ACACB: variants seen among roughly 807,000 people sequenced by gnomAD.
ACACB encodes acetyl-CoA carboxylase beta.
In ACACB, 209 loss-of-function variants were observed where a neutral mutation model predicts 278.8. The observed-to-expected ratio is 0.75, with a 90% confidence interval of 0.67 to 0.84. The LOEUF (loss-of-function observed/expected upper bound fraction) is 0.84, where lower values mean the gene tolerates loss of function less well. Among genes scored for constraint, ACACB ranks in the 40% least tolerant of loss-of-function variants. ACACB has a pLI of 0.00. For missense variants in ACACB, 2,850 were observed against 3,269.0 expected, an observed-to-expected ratio of 0.87 and a Z score of 3.13; for synonymous variants, 1,174 against 1,285.6, an observed-to-expected ratio of 0.91 and a Z score of 1.86.
Position 109,226,345 on chromosome 12 carries a change from AG to A in ACACB, c.3883-1023del, listed in dbSNP as rs369740133. Among the ~76,000 whole-genome samples, 23 of 152,272 alleles carry A rather than the reference AG, an allele frequency of 1.5e-4. No homozygotes were observed. In the South Asian group the frequency reaches 3.9e-3, roughly 26 times the overall value. On this transcript the variant is annotated intron_variant, in intron 27 of 52. Transcript: ENST00000338432. ...CTGTTGGACAGCACTGCTCTAAAGCAGGGTTTGATAAACTATAGACCATGGA... is the reference window on the plus strand; with the variant it reads ...CTGTTGGACAGCACTGCTCTAAAGCAGGTTTGATAAACTATAGACCATGGA...
chr12:109,192,280 G>A (rs2044920567), intron 15 of ACACB, among the ~76,000 whole-genome samples: 1 of 152,150 alleles, frequency 6.6e-6, no homozygotes, highest in African/African-American at 2.4e-5. Context: ...CGGCTTAAAG[G>A]TCATCTCTAC....
chr12:109,246,278 T>C lies in ACACB; in HGVS notation c.5401T>C (p.Ser1801Pro). The C allele has an allele frequency of 6.2e-7, 1 of 1,613,000 alleles. No homozygotes were observed. Among genetic ancestry groups the C allele is most frequent in the Non-Finnish European group, 8.5e-7 (1 of 1,179,800 alleles). The part of the protein sequence containing the change: ...IGNDITFRIG[S>P]FGPGEDLLYL... ...CAATGACATCACCTTTCGCATTGGA[T>C]CCTTTGGCCCTGGAGAGGACCTTCT... The change falls in exon 39 of 53, where the codon TCC (serine) becomes CCC (proline). Residue 1801 changes from serine to proline, a missense_variant. By Grantham distance (74) the Ser-to-Pro change is moderately conservative. Coordinates refer to ENST00000338432, the MANE Select transcript of ACACB (RefSeq NM_001093.4).
At chr12:109,143,987 T>A (rs1318013240) in intron 2 of ACACB, among the ~76,000 whole-genome samples, 2 of 151,996 alleles carry the variant, frequency 1.3e-5, no homozygotes, top group Admixed American at 1.3e-4. Context: ...GGCAACATAA[T>A]GAGACCCTGT....
At chr12:109,233,119 T>A (rs1172944594) in intron 29 of ACACB, among the ~76,000 whole-genome samples, 1 of 152,162 alleles carries the variant, frequency 6.6e-6, no homozygotes, top group African/African-American at 2.4e-5. Flanking sequence ...GCAAAATATT[T>A]TTACCTCTCC....
chr12:109,245,590 A>G, intron 37 of ACACB, 36 bp from the exon 38 acceptor site: 1 of 1,604,978 alleles, frequency 6.2e-7, no homozygotes, highest in Non-Finnish European at 8.5e-7. Context: ...CCTACTGATG[A>G]CTTCAAGTTT....
intron 24 of ACACB, 72 bp from the exon 25 acceptor site, chr12:109,222,435 A>C (rs2136513906): frequency 7.1e-6 from 10 of 1,415,078 alleles, no homozygotes; most frequent in Admixed American, 7.0e-5. Context: ...GGTGCTCCCC[A>C]AGTCGAGATG....
intron 19 of ACACB, among the ~76,000 whole-genome samples, chr12:109,203,985 C>G (rs1434800450): frequency 6.6e-6 from 1 of 152,036 alleles, no homozygotes; most frequent in African/African-American, 2.4e-5. Context: ...CACATGGTCT[C>G]TTTTCTCCAG....
chr12:109,174,044 C>A, intron 6 of ACACB, 88 bp from the exon 7 acceptor site: 2 of 1,117,080 alleles, frequency 1.8e-6, no homozygotes, highest in East Asian at 2.7e-5. Context: ...CTTACCTGGC[C>A]CCACCACCGT....
At chr12:109,180,425 T>C (rs1013061733) in intron 11 of ACACB, among the ~76,000 whole-genome samples, 2 of 152,214 alleles carry the variant, frequency 1.3e-5, no homozygotes, top group African/African-American at 4.8e-5. Flanking sequence ...ATATTGTAGA[T>C]ATATCTGTGC....
At chr12:109,251,410 T>G (rs1196980522) in intron 41 of ACACB, among the ~76,000 whole-genome samples, 1 of 152,230 alleles carries the variant, frequency 6.6e-6, no homozygotes, top group African/African-American at 2.4e-5. Context: ...TTGGAAGGCC[T>G]TATTTGTACA....
chr12:109,129,789 G>A (rs2042777582), intron 1 of ACACB, among the ~76,000 whole-genome samples: 1 of 152,218 alleles, frequency 6.6e-6, no homozygotes, highest in Non-Finnish European at 1.5e-5. Flanking sequence ...TGGGCTGGCC[G>A]ATCCTTAGAG....
At chr12:109,241,053 C>T (rs374543577) in intron 35 of ACACB, 25 bp from the exon 36 acceptor site, 44 of 1,608,720 alleles carry the variant, frequency 2.7e-5, no homozygotes, top group Middle Eastern at 1.7e-4. Flanking sequence ...GGCCCTGAAA[C>T]TGGAATTGCT....
chr12:109,240,102 AT>A, intron 35 of ACACB, 117 bp downstream of exon 35: 1 of 1,234,170 alleles, frequency 8.1e-7, no homozygotes. Context: ...AACCATGCGT[AT>A]CTGAGCCTCA....
At chr12:109,179,572 T>C (rs777530473) in intron 10 of ACACB, among the ~76,000 whole-genome samples, 7 of 152,180 alleles carry the variant, frequency 4.6e-5, no homozygotes, top group Admixed American at 6.5e-5. Context: ...CAGCAGCCTG[T>C]AACTCCTGGG....
At chr12:109,193,593 C>T in intron 15 of ACACB, 55 bp from the exon 16 acceptor site, 1 of 1,359,624 alleles carries the variant, frequency 7.4e-7, no homozygotes, top group Non-Finnish European at 1.1e-6. Flanking sequence ...CAAGGGATGG[C>T]TGTGGAGTTC....
chr12:109,196,212 G>C (rs879556933), intron 16 of ACACB, among the ~76,000 whole-genome samples: 1 of 152,134 alleles, frequency 6.6e-6, no homozygotes, highest in Non-Finnish European at 1.5e-5. Context: ...TCTCTCTCAC[G>C]TGTCCCAAAG....
chr12:109,242,479 G>A lies in ACACB; in HGVS notation c.5065G>A (p.Gly1689Arg), dbSNP rs149012129. 4.3e-6 allele frequency: 7 copies of A among 1,613,954 alleles called. No individual in the cohort carries two copies. Among genetic ancestry groups the A allele is most frequent in the Admixed American group, 1.7e-5 (1 of 59,992 alleles). Reference protein sequence around the residue: ...SFGNKQGPQHGMLINTPYVTK... With the variant: ...SFGNKQGPQHRMLINTPYVTK... ...CGGCAACAAGCAAGGGCCCCAGCAC[G>A]GGATGCTGATCAATACTCCCTACGT... is the stretch of plus-strand genomic sequence containing the variant. Residue 1689 changes from glycine (G) to arginine (R), a missense_variant, in exon 37 of 53, where the codon GGG becomes AGG. Coordinates refer to ENST00000338432, the MANE Select transcript of ACACB (RefSeq NM_001093.4).
intron 2 of ACACB, chr12:109,154,924 C>G (rs2043485895): frequency 6.5e-6 from 1 of 152,734 alleles, no homozygotes. Flanking sequence ...GATCTGTTTC[C>G]CTGATCGCGA....
intron 11 of ACACB, among the ~76,000 whole-genome samples, chr12:109,184,353 G>A (rs1032650170): frequency 3.3e-5 from 5 of 152,198 alleles, no homozygotes; most frequent in South Asian, 2.1e-4. Flanking sequence ...GTGCCCGGCC[G>A]TGGGCTCAAT....
Sources: allele counts gnomAD v4.1 joint callset (sites outside exome capture counted in the v4.1 genomes callset), GRCh38; gene constraint gnomAD v4.1.1; transcripts MANE v1.5; gene names NCBI Gene and HGNC (gene_info 2026-07-23, HGNC 2026-07-21).